The following ANOS1 variants were observed in gnomAD, a reference collection of about 807,000 sequenced individuals.
The protein encoded by ANOS1 is anosmin-1.
A neutral mutation model predicts 59.0 loss-of-function variants in ANOS1; 6 were observed. The ratio of observed to expected loss-of-function variants is 0.10; its 90% confidence interval spans 0.06 to 0.20. ANOS1 has a LOEUF of 0.20. Ranked by LOEUF, ANOS1 falls within the 10% of genes least tolerant of loss-of-function variation. The probability of loss-of-function intolerance (pLI) is 1.00; values close to 1 mark genes in which losing one functional copy is unlikely to be tolerated. For synonymous variants in ANOS1, 217 were observed against 223.4 expected, an observed-to-expected ratio of 0.97 and a Z score of 0.25; for missense variants, 433 against 542.3, an observed-to-expected ratio of 0.80 and a Z score of 2.00.
intron 2 of ANOS1, among the ~76,000 whole-genome samples, chrX:8,644,487 A>T (rs1259276776): frequency 1.8e-5 from 2 of 111,695 alleles, no homozygotes; most frequent in African/African-American, 6.5e-5. Context: ...CCTGAAAAAA[A>T]AAAAAGTATT....
chrX:8,619,093 A>G (rs865979202), intron 3 of ANOS1, among the ~76,000 whole-genome samples: 20 of 76,969 alleles, frequency 2.6e-4, no homozygotes, highest in Admixed American at 1.0e-3. Flanking sequence ...AAAAAAAAAA[A>G]AAAAAAAAGA....
intron 2 of ANOS1, among the ~76,000 whole-genome samples, chrX:8,662,494 G>A (rs1315068992): frequency 2.7e-5 from 3 of 112,038 alleles, no homozygotes; most frequent in African/African-American, 9.7e-5. Context: ...GAATAAGTGT[G>A]GCTGTGCTCC....
intron 10 of ANOS1, among the ~76,000 whole-genome samples, chrX:8,537,269 TC>T (rs1329110626): frequency 9.0e-6 from 1 of 111,617 alleles, no homozygotes; most frequent in Non-Finnish European, 1.9e-5. Context: ...TAAATACAAA[TC>T]TAACTTTTTT....
chrX:8,558,522 A>G (rs1007789086), intron 8 of ANOS1, among the ~76,000 whole-genome samples: 1 of 111,499 alleles, frequency 9.0e-6, no homozygotes, highest in Non-Finnish European at 1.9e-5. Context: ...AGTAACATAT[A>G]TTCACCAGGC....
chrX:8,714,194 C>A (rs191362299), intron 1 of ANOS1, among the ~76,000 whole-genome samples: 1 of 111,846 alleles, frequency 8.9e-6, no homozygotes, highest in African/African-American at 3.2e-5. Flanking sequence ...CATGTAATTT[C>A]TTGCTGGGGA....
chrX:8,671,750 G>A (rs190337697), intron 2 of ANOS1, among the ~76,000 whole-genome samples: 640 of 108,648 alleles, frequency 5.9e-3, no homozygotes, highest in Non-Finnish European at 9.3e-3. Context: ...AAATTCCAAC[G>A]ACAGGAATTA....
chrX:8,714,497 TA>T (rs1032495839), intron 1 of ANOS1, among the ~76,000 whole-genome samples: 3 of 110,297 alleles, frequency 2.7e-5, no homozygotes, highest in African/African-American at 6.6e-5. Context: ...CTATAACCAT[TA>T]AAAAAAAATC....
At chrX:8,626,585 C>T (rs1033354671) in intron 2 of ANOS1, among the ~76,000 whole-genome samples, 2 of 110,970 alleles carry the variant, frequency 1.8e-5, no homozygotes, top group African/African-American at 3.3e-5. Flanking sequence ...AAAGGCCGGG[C>T]GCGGTGGCTC....
intron 2 of ANOS1, among the ~76,000 whole-genome samples, chrX:8,668,302 G>C (rs761600495): frequency 4.5e-4 from 47 of 104,384 alleles, no homozygotes; most frequent in Non-Finnish European, 7.8e-4. Flanking sequence ...CCATTCCTGA[G>C]TTACTTCACT....
chrX:8,609,803 C>T (rs1234794752), intron 3 of ANOS1, among the ~76,000 whole-genome samples: 15 of 108,922 alleles, frequency 1.4e-4, no homozygotes, highest in Non-Finnish European at 2.7e-4. Context: ...GTCAGGAGAT[C>T]GAGACCATCC....
chrX:8,710,170 T>C (rs959869055), intron 1 of ANOS1, among the ~76,000 whole-genome samples: 1 of 111,637 alleles, frequency 9.0e-6, no homozygotes, highest in Non-Finnish European at 1.9e-5. Context: ...GACCTCGTGA[T>C]CCACCTGCCT....
chrX:8,529,569 G>A lies in ANOS1; in HGVS notation c.*3426C>T, dbSNP rs1306794804. ...ATTTGTACTTGTATGATACAGACAC[G>A]AGTCAAAATTCCGTCTTTTAATCAA... On this transcript the variant is annotated 3_prime_UTR_variant, in exon 14 of 14. Coordinates refer to ENST00000262648, the MANE Select transcript of ANOS1 (RefSeq NM_000216.4). The A allele has an allele frequency of 8.9e-6, 1 of 111,936 alleles. No homozygotes were observed. The highest frequency in any genetic ancestry group is 1.9e-5 in the Non-Finnish European group (1 of 53,210). The allele number at this position is 111,936 out of a possible 1,213,427, so 9.2% of individuals were successfully genotyped here. A position where few individuals can be genotyped will look rare whatever the true frequency, so the allele number is the denominator to read the frequency against.
In ANOS1 at chrX:8,570,650, T is replaced by G; in HGVS notation, c.911A>C (p.Asn304Thr). ...AGTGACGGTCACACTCCCATCACTG[T>G]TGACGGTGGAGTTGGCCAGCCGGAG... ...ANLRLANSTV[N>T]SDGSVTVTIV... Residue 304 changes from asparagine to threonine, a missense_variant, in exon 7 of 14, where the codon AAC (asparagine) becomes ACC (threonine). Physicochemically the swap from Asn to Thr is moderately conservative, Grantham distance 65. Coordinates refer to ENST00000262648, the MANE Select transcript of ANOS1 (RefSeq NM_000216.4). The G allele has an allele frequency of 8.3e-7, 1 of 1,211,754 alleles. No homozygotes were observed. The highest frequency in any genetic ancestry group is 1.1e-6 in the Non-Finnish European group (1 of 895,516).
chrX:8,601,006 C>T (rs59587971), intron 3 of ANOS1, among the ~76,000 whole-genome samples: 8,586 of 109,236 alleles, frequency 0.079, 290 homozygotes, highest in Admixed American at 0.13. Flanking sequence ...CTGGCTAACA[C>T]AGTGAAACCC....
intron 1 of ANOS1, among the ~76,000 whole-genome samples, chrX:8,713,428 A>G (rs761374758): frequency 7.2e-4 from 79 of 110,477 alleles, no homozygotes; most frequent in African/African-American, 2.5e-3. Context: ...AAGCTTTTGC[A>G]AATTCTGGTG....
intron 2 of ANOS1, among the ~76,000 whole-genome samples, chrX:8,663,431 T>C (rs1932074703): frequency 9.0e-6 from 1 of 111,637 alleles, no homozygotes; most frequent in African/African-American, 3.3e-5. Flanking sequence ...CTGACTCCTA[T>C]TGAAACTGTG....
At chrX:8,586,755 TATAGA>T (rs980256226) in intron 5 of ANOS1, among the ~76,000 whole-genome samples, 1 of 110,511 alleles carries the variant, frequency 9.0e-6, no homozygotes, top group Non-Finnish European at 1.9e-5. Context: ...AAAATATAGG[TATAGA>T]ATAGAATTAC....
At chrX:8,537,039 GT>G (rs1311419552) in intron 10 of ANOS1, 97 bp from the exon 11 acceptor site, 1 of 752,885 alleles carries the variant, frequency 1.3e-6, no homozygotes, top group African/African-American at 2.1e-5. Context: ...CAACAAGGAT[GT>G]TTTCCTATAT....
At chrX:8,580,449 A>G (rs960701579) in intron 6 of ANOS1, among the ~76,000 whole-genome samples, 38 of 111,778 alleles carry the variant, frequency 3.4e-4, no homozygotes, top group African/African-American at 1.2e-3. Flanking sequence ...ATACTCAGAA[A>G]TGGTATTCCC....
Sources: gnomAD v4.1 joint callset for allele counts (sites outside exome capture counted in the v4.1 genomes callset) on GRCh38, gnomAD v4.1.1 for gene constraint, MANE v1.5 for transcripts, NCBI Gene and HGNC (gene_info 2026-07-23, HGNC 2026-07-21) for gene names.